Variants in TXNRD2 observed in about 807,000 individuals in gnomAD.
TXNRD2 encodes the protein thioredoxin reductase 2, mitochondrial.
TXNRD2 carries 67 observed loss-of-function variants against 70.8 expected under a neutral mutation model. That is an observed-to-expected ratio of 0.95 (90% CI 0.78 to 1.16). The LOEUF (loss-of-function observed/expected upper bound fraction) is 1.16. Ranked by LOEUF, TXNRD2 falls within the 50% of genes most tolerant of loss-of-function variation. The pLI is 0.00. For missense variants in TXNRD2, 644 were observed against 719.9 expected, an observed-to-expected ratio of 0.89 and a Z score of 1.21; for synonymous variants, 301 against 295.8, an observed-to-expected ratio of 1.02 and a Z score of -0.18.
At position 19,895,550 on chromosome 22, in the gene TXNRD2, G is replaced by A. The variant is rs1939468915; in HGVS notation, c.806C>T (p.Ala269Val). The change falls in exon 11 of 18, where the codon GCA (alanine) becomes GTA (valine). Residue 269 changes from alanine (A) to valine (V), a missense_variant. This residue lies in a region of TXNRD2 where 566 missense variants were observed against 645.0 expected (regional missense o/e 0.88). Coordinates refer to ENST00000400521, the MANE Select transcript of TXNRD2 (RefSeq NM_006440.5). ...CCTCAGGAACCGGGTGCCATGAGAT[G>A]CCATGTGCTCTATGACCATGGAGGA... Reference protein sequence around the residue: ...QMSSMVIEHMASHGTRFLRGC... With the variant: ...QMSSMVIEHMVSHGTRFLRGC... The A allele has an allele frequency of 6.2e-7, 1 of 1,613,070 alleles. No homozygotes were observed. Among genetic ancestry groups the A allele is most frequent in the Non-Finnish European group, 8.5e-7 (1 of 1,180,030 alleles).
At chr22:19,892,991 G>T (rs186373180) in intron 11 of TXNRD2, among the ~76,000 whole-genome samples, 2 of 152,212 alleles carry the variant, frequency 1.3e-5, no homozygotes, top group Non-Finnish European at 2.9e-5. Context: ...CCCTGCGTGC[G>T]CTCAGGCATC....
At chr22:19,910,856 C>T (rs1940375298) in intron 8 of TXNRD2, 2 of 233,464 alleles carry the variant, frequency 8.6e-6, no homozygotes, top group Admixed American at 1.1e-4. Context: ...GGGCGGATCA[C>T]CTGAGGTCAG....
intron 8 of TXNRD2, among the ~76,000 whole-genome samples, chr22:19,900,876 C>T (rs551474186): frequency 6.6e-6 from 1 of 152,360 alleles, no homozygotes; most frequent in African/African-American, 2.4e-5. Context: ...TGCCCTTTGC[C>T]CCCTGCTCCC....
intron 8 of TXNRD2, chr22:19,903,125 C>G: frequency 2.1e-6 from 1 of 479,766 alleles, no homozygotes; most frequent in South Asian, 1.5e-5. Context: ...AGCCCCTCCC[C>G]CAGGGCCCAG....
At chr22:19,897,945 C>T (rs929017492) in intron 10 of TXNRD2, 94 bp downstream of exon 10, 6 of 965,684 alleles carry the variant, frequency 6.2e-6, no homozygotes, top group Non-Finnish European at 9.4e-6. Flanking sequence ...AGGCATCACT[C>T]GTGGCCCATG....
intron 2 of TXNRD2, among the ~76,000 whole-genome samples, chr22:19,920,606 A>C (rs1940864625): frequency 6.6e-6 from 1 of 151,954 alleles, no homozygotes; most frequent in South Asian, 2.1e-4. Flanking sequence ...AGAAAAAAAA[A>C]AAAAAACATT....
At chr22:19,888,555 T>C (rs1271259384) in intron 11 of TXNRD2, among the ~76,000 whole-genome samples, 1 of 152,176 alleles carries the variant, frequency 6.6e-6, no homozygotes, top group Non-Finnish European at 1.5e-5. Context: ...GAGAGGTAAG[T>C]GCCAGCAGGA....
At chr22:19,938,693 T>C (rs1324195471) in intron 1 of TXNRD2, among the ~76,000 whole-genome samples, 1 of 152,154 alleles carries the variant, frequency 6.6e-6, no homozygotes, top group Non-Finnish European at 1.5e-5. Flanking sequence ...GGGCAGAGAT[T>C]TGCTGGCACA....
intron 2 of TXNRD2, among the ~76,000 whole-genome samples, chr22:19,920,831 A>G (rs112258831): frequency 0.14 from 20,973 of 152,146 alleles, 1,706 homozygotes; most frequent in Non-Finnish European, 0.19. Flanking sequence ...GGCTGGGTGC[A>G]GCGGCTCATG....
intron 8 of TXNRD2, chr22:19,911,073 TA>T (rs56026782): frequency 0.077 from 22,310 of 289,768 alleles, 345 homozygotes; most frequent in South Asian, 0.17. Context: ...AGAATTCACC[TA>T]AAAAAAAAAG....
intron 8 of TXNRD2, among the ~76,000 whole-genome samples, chr22:19,900,059 A>C (rs893788437): frequency 2.6e-5 from 4 of 152,234 alleles, no homozygotes; most frequent in African/African-American, 9.6e-5. Flanking sequence ...TATCCCTTGG[A>C]ATCATTCTGC....
Position 19,941,745 on chromosome 22 carries a change from T to G in TXNRD2, c.59A>C (p.Gln20Pro). ...GLGGRFRWRTQAVAGGVRGAA... is the reference protein window; with the variant it reads ...GLGGRFRWRTPAVAGGVRGAA... ...GCCCCGCACCCCGCCCGCCACGGCC[T>G]GCGTCCGCCACCGGAAGCGCCCTCC... The change falls in exon 1 of 18, where the codon CAG (glutamine) becomes CCG (proline). Residue 20 changes from glutamine (Q) to proline (P), a missense_variant. Gln to Pro is a moderately conservative substitution (Grantham distance 76, BLOSUM62 -1). This residue lies in a region of TXNRD2 where 71 missense variants were observed against 53.6 expected (regional missense o/e 1.33). Coordinates refer to ENST00000400521, the MANE Select transcript of TXNRD2 (RefSeq NM_006440.5). 1 of 1,498,478 alleles carries G rather than the reference T, an allele frequency of 6.7e-7. No individual in the cohort carries two copies. Among genetic ancestry groups the G allele is most frequent in the Non-Finnish European group, 8.8e-7 (1 of 1,131,778 alleles). The allele number at this position is 1,498,478 out of a possible 1,614,324, so 92.8% of individuals were successfully genotyped here. A position where few individuals can be genotyped will look rare whatever the true frequency, so the allele number is the denominator to read the frequency against.
intron 1 of TXNRD2, 39 bp from the exon 2 acceptor site, chr22:19,931,137 T>C (rs1941344883): frequency 6.3e-7 from 1 of 1,582,036 alleles, no homozygotes; most frequent in African/African-American, 1.3e-5. Context: ...ACTGTCTGTC[T>C]GGTTAAACGT....
intron 8 of TXNRD2, among the ~76,000 whole-genome samples, chr22:19,910,599 G>A (rs1485506843): frequency 6.6e-6 from 1 of 152,194 alleles, no homozygotes; most frequent in Non-Finnish European, 1.5e-5. Flanking sequence ...CCTGCAGAGG[G>A]GCACAAGTCA....
intron 8 of TXNRD2, among the ~76,000 whole-genome samples, chr22:19,903,749 G>A (rs1285694405): frequency 6.6e-6 from 1 of 152,232 alleles, no homozygotes. Flanking sequence ...CCCGGTGTGG[G>A]CTCACCATCC....
intron 11 of TXNRD2, among the ~76,000 whole-genome samples, chr22:19,890,760 G>A (rs1447391485): frequency 1.3e-5 from 2 of 152,160 alleles, no homozygotes; most frequent in African/African-American, 2.4e-5. Flanking sequence ...GGGACAATCC[G>A]CAGGGACTTG....
At chr22:19,925,013 G>GCA (rs1555914119) in intron 2 of TXNRD2, among the ~76,000 whole-genome samples, 3 of 151,154 alleles carry the variant, frequency 2.0e-5, no homozygotes, top group Non-Finnish European at 4.4e-5. Context: ...GGCCAGGCAT[G>GCA]GTGGCTCACG....
chr22:19,920,943 A>G (rs894737809), intron 2 of TXNRD2, among the ~76,000 whole-genome samples: 2 of 151,910 alleles, frequency 1.3e-5, no homozygotes, highest in East Asian at 1.9e-4. Context: ...TCTACTAAAA[A>G]ATACAAAAAC....
At chr22:19,912,964 G>A (rs989312234) in intron 7 of TXNRD2, among the ~76,000 whole-genome samples, 2 of 152,228 alleles carry the variant, frequency 1.3e-5, no homozygotes, top group Admixed American at 6.5e-5. Context: ...CCTCCAGGCC[G>A]AGAGAGCCGT....
Sources: gnomAD v4.1 joint callset for allele counts (sites outside exome capture counted in the v4.1 genomes callset) on GRCh38, gnomAD v4.1.1 for gene constraint, gnomAD v4.1.1 regional missense constraint, MANE v1.5 for transcripts, NCBI Gene and HGNC (gene_info 2026-07-23, HGNC 2026-07-21) for gene names.